The following VMA22 variants were observed in gnomAD, a reference collection of about 807,000 sequenced individuals.
VMA22 encodes the protein vacuolar ATPase assembly factor VMA22, also known as vacuolar ATPase assembly protein VMA22.
the VMA22 span, chr2:130,342,402 C>A: frequency 3.7e-5 from 21 of 572,576 alleles, no homozygotes; most frequent in African/African-American, 3.8e-4. Flanking sequence ...TGAGTCCTTC[C>A]GGAAGCTGCC....
the VMA22 span, chr2:130,338,985 C>T: frequency 1.1e-5 from 7 of 643,582 alleles, no homozygotes; most frequent in Non-Finnish European, 1.9e-5. Flanking sequence ...TGGAAACATG[C>T]AGAGCAGGGA....
chr2:130,339,789 T>C, the VMA22 span: 1 of 1,302,108 alleles, frequency 7.7e-7, no homozygotes, highest in Non-Finnish European at 1.0e-6. Context: ...CTCCTCAGTT[T>C]CCTTGACTGG....
chr2:130,342,135 T>A, the VMA22 span: 1 of 1,612,838 alleles, frequency 6.2e-7, no homozygotes, highest in Non-Finnish European at 8.5e-7. Flanking sequence ...TGGACACACC[T>A]CCAGATCTGG....
chr2:130,339,764 T>C, the VMA22 span: 5 of 1,303,758 alleles, frequency 3.8e-6, no homozygotes, highest in Non-Finnish European at 5.1e-6. Context: ...CCAGGACACC[T>C]GCCCCCAGGT....
chr2:130,341,845 C>T, the VMA22 span: 54 of 1,570,622 alleles, frequency 3.4e-5, no homozygotes, highest in Middle Eastern at 1.8e-4. Context: ...CCTCACCTGG[C>T]GTGGAGGCAG....
the VMA22 span, chr2:130,339,468 CCA>C: frequency 3.6e-6 from 5 of 1,391,280 alleles, no homozygotes; most frequent in Non-Finnish European, 4.7e-6. Context: ...ATTATATCAC[CCA>C]CCAGGAACTA....
At chr2:130,341,074 T>C in the VMA22 span, 1 of 1,557,532 alleles carries the variant, frequency 6.4e-7, no homozygotes, top group Non-Finnish European at 8.7e-7. Flanking sequence ...GCTGGGATCT[T>C]ACTCCCTGAC....
the VMA22 span, chr2:130,340,429 G>A: frequency 4.2e-5 from 9 of 213,036 alleles, no homozygotes; most frequent in South Asian, 1.2e-4. Flanking sequence ...CTAGGCCACC[G>A]GCCTCGGCAC....
At chr2:130,340,912 C>G in the VMA22 span, 18 of 1,614,088 alleles carry the variant, frequency 1.1e-5, no homozygotes, top group African/African-American at 2.3e-4. Flanking sequence ...ACTCACCATC[C>G]CGGAAGCTTG....
At chr2:130,342,146 A>T in the VMA22 span, 3 of 1,612,152 alleles carry the variant, frequency 1.9e-6, no homozygotes, top group African/African-American at 4.0e-5. Context: ...CCAGATCTGG[A>T]GCCACCTTCT....
At chr2:130,342,102 C>G in the VMA22 span, 1 of 1,613,754 alleles carries the variant, frequency 6.2e-7, no homozygotes, top group South Asian at 1.1e-5. Context: ...AATCCAGCTC[C>G]GCTCGCAGGT....
the VMA22 span, chr2:130,339,128 C>A: frequency 6.2e-7 from 1 of 1,613,536 alleles, no homozygotes; most frequent in Non-Finnish European, 8.5e-7. Flanking sequence ...TGTCAGGCAG[C>A]CCCAGGCTCC....
chr2:130,342,151 C>T, the VMA22 span: 2 of 1,611,724 alleles, frequency 1.2e-6, no homozygotes, highest in East Asian at 2.2e-5. Flanking sequence ...TCTGGAGCCA[C>T]CTTCTTCCTT....
the VMA22 span, chr2:130,339,879 A>C: frequency 8.4e-7 from 1 of 1,195,028 alleles, no homozygotes; most frequent in Non-Finnish European, 1.1e-6. Flanking sequence ...GCTTTAAACC[A>C]GTGTTTGTGT....
the VMA22 span, chr2:130,339,163 C>G: frequency 6.2e-7 from 1 of 1,614,088 alleles, no homozygotes; most frequent in Non-Finnish European, 8.5e-7. Flanking sequence ...CTCTTGGAGT[C>G]CCCGGAGCTG....
the VMA22 span, chr2:130,341,580 G>C: frequency 8.4e-7 from 1 of 1,195,602 alleles, no homozygotes; most frequent in Non-Finnish European, 1.2e-6. Flanking sequence ...CTCTCTTATC[G>C]CAAAAACCTA....
chr2:130,339,596 A>C, the VMA22 span: 1 of 1,296,710 alleles, frequency 7.7e-7, no homozygotes, highest in Non-Finnish European at 1.0e-6. Flanking sequence ...GTTAGTCCAC[A>C]CTCTGGATCC....
the VMA22 span, chr2:130,338,983 T>C: frequency 4.7e-6 from 3 of 642,600 alleles, no homozygotes; most frequent in East Asian, 5.5e-5. Context: ...AATGGAAACA[T>C]GCAGAGCAGG....
the VMA22 span, chr2:130,339,022 G>T: frequency 1.2e-6 from 1 of 845,372 alleles, no homozygotes; most frequent in Non-Finnish European, 1.9e-6. Flanking sequence ...GCTGGCGTGG[G>T]GTAGGGGCAA....
Sources: gnomAD v4.1 joint callset for allele counts on GRCh38, gnomAD v4.1.1 for gene constraint, MANE v1.5 for transcripts, NCBI Gene and HGNC (gene_info 2026-07-23, HGNC 2026-07-21) for gene names.